INTS12: variants seen among roughly 807,000 people sequenced by gnomAD.
The protein encoded by INTS12 is integrator complex subunit 12.
Under a neutral mutation model 41.6 loss-of-function variants are expected in INTS12, and 13 were observed. The observed-to-expected ratio is 0.31, with a 90% CI of 0.20 to 0.50. The LOEUF is 0.50. Ranked by LOEUF, INTS12 falls within the 20% of genes least tolerant of loss-of-function variation. INTS12 has a pLI of 0.98. For missense variants in INTS12, 432 were observed against 541.6 expected (o/e 0.80, Z 2.01); for synonymous variants, 199 against 191.4 (o/e 1.04, Z -0.33).
In INTS12 at chr4:105,703,817, A is replaced by C. The variant is rs1038846990; in HGVS notation, c.-171-8T>G. 1 of 152,160 alleles carries C rather than the reference A, an allele frequency of 6.6e-6. No individual in the cohort carries two copies. Among genetic ancestry groups the C allele is most frequent in the East Asian group, 1.9e-4 (1 of 5,192 alleles). 9.4% of individuals were successfully genotyped at this position (152,160 alleles called of 1,614,324 possible). A position where few individuals can be genotyped will look rare whatever the true frequency, so the allele number is the denominator to read the frequency against. ...TTCAGTAGATGGCCTCACCTACTTC[A>C]CAAAGAGAGGCTGTCAGAGAGGAAT... is the stretch of plus-strand genomic sequence containing the variant. On this transcript the variant is annotated splice_polypyrimidine_tract_variant and splice_region_variant and intron_variant, in intron 1 of 7. Transcript: ENST00000340139.
Position 105,699,987 on chromosome 4 carries a change from A to C in INTS12, c.19T>G (p.Leu7Val). The change falls in exon 3 of 8, where the codon TTG becomes GTG. Residue 7 changes from leucine (L) to valine (V), a missense_variant. By Grantham distance (32) the Leu-to-Val change is conservative (BLOSUM62 1). This residue lies in a region of INTS12 where 168 missense variants were observed against 198.9 expected (regional missense o/e 0.84). Transcript: ENST00000340139. MAATVN[L>V]ELDPIFLKAL... The stretch of plus-strand genomic sequence containing the variant: ...TTCAAAAAAATGGGATCAAGTTCCA[A>C]GTTCACAGTAGCAGCCATTGCAAAC... 1 of 1,530,552 alleles carries C rather than the reference A, an allele frequency of 6.5e-7. No homozygotes were observed. The highest frequency in any genetic ancestry group is 1.4e-5 in the African/African-American group (1 of 73,610). 94.8% of individuals were successfully genotyped at this position (1,530,552 alleles called of 1,614,324 possible).
chr4:105,684,124 A>G (rs1284558715), intron 7 of INTS12, among the ~76,000 whole-genome samples: 1 of 152,162 alleles, frequency 6.6e-6, no homozygotes, highest in Non-Finnish European at 1.5e-5. Flanking sequence ...TCATAAGGGT[A>G]TAACACTTCA....
At chr4:105,684,893 A>G (rs1483528245) in intron 7 of INTS12, among the ~76,000 whole-genome samples, 2 of 152,132 alleles carry the variant, frequency 1.3e-5, no homozygotes, top group Admixed American at 6.5e-5. Flanking sequence ...AACACTTAGG[A>G]AGTACAAGCA....
chr4:105,687,311 G>GA (rs970587587), intron 6 of INTS12, among the ~76,000 whole-genome samples: 4 of 152,074 alleles, frequency 2.6e-5, no homozygotes, highest in African/African-American at 9.6e-5. Context: ...AGAACAGGGA[G>GA]AAAAAAACTA....
chr4:105,689,917 A>C (rs1218826618), intron 6 of INTS12, among the ~76,000 whole-genome samples: 1 of 152,174 alleles, frequency 6.6e-6, no homozygotes, highest in Non-Finnish European at 1.5e-5. Flanking sequence ...GAAAAAGAAA[A>C]AAATTACATT....
chr4:105,703,345 T>C (rs72671826), intron 2 of INTS12, among the ~76,000 whole-genome samples: 6,815 of 152,340 alleles, frequency 0.045, 210 homozygotes, highest in Middle Eastern at 0.13. Context: ...AGTAGTAGTA[T>C]TGATAGGAGT....
At chr4:105,683,629 G>C (rs11728044) in intron 7 of INTS12, among the ~76,000 whole-genome samples, 8,179 of 152,048 alleles carry the variant, frequency 0.054, 252 homozygotes, top group Middle Eastern at 0.14. Context: ...CTTTAACATA[G>C]TTTTTACCCA....
At chr4:105,699,684 G>A (rs761653811) in intron 3 of INTS12, among the ~76,000 whole-genome samples, 166 bp downstream of exon 3, 5 of 152,090 alleles carry the variant, frequency 3.3e-5, no homozygotes, top group Non-Finnish European at 7.4e-5. Context: ...TGGTGTAACA[G>A]TTCTCTGAAA....
At chr4:105,702,874 T>C in intron 2 of INTS12, 1 of 982,616 alleles carries the variant, frequency 1.0e-6, no homozygotes, top group Non-Finnish European at 1.2e-6. Context: ...ATATTTTAGT[T>C]TTCTATCTTA....
At chr4:105,686,599 TA>T in intron 7 of INTS12, 92 bp downstream of exon 7, 1 of 912,032 alleles carries the variant, frequency 1.1e-6, no homozygotes, top group Non-Finnish European at 1.6e-6. Flanking sequence ...ATTTAGTATA[TA>T]AAGTTTCTCA....
chr4:105,690,129 A>G (rs1366767044), intron 6 of INTS12, among the ~76,000 whole-genome samples: 3 of 152,244 alleles, frequency 2.0e-5, no homozygotes, highest in Non-Finnish European at 4.4e-5. Flanking sequence ...AGTTCTCCAC[A>G]TATTCAGGGA....
intron 1 of INTS12, chr4:105,705,754 T>G (rs1329063747): frequency 6.6e-6 from 1 of 152,238 alleles, no homozygotes; most frequent in Non-Finnish European, 1.5e-5. Flanking sequence ...CAAGTTTCAG[T>G]TTTTCCTGCA....
At chr4:105,702,134 T>TC (rs1388033801) in intron 2 of INTS12, among the ~76,000 whole-genome samples, 5 of 139,260 alleles carry the variant, frequency 3.6e-5, no homozygotes, top group African/African-American at 1.3e-4. Context: ...CTATTTCTTT[T>TC]TTTTTTTTTT....
intron 1 of INTS12, 25 bp downstream of exon 1, chr4:105,708,613 A>G: frequency 1.0e-6 from 1 of 984,760 alleles, no homozygotes; most frequent in Non-Finnish European, 1.2e-6. Context: ...GGAGGCCAGG[A>G]GCAGAGTCGC....
chr4:105,705,032 G>A (rs547688682), intron 1 of INTS12, among the ~76,000 whole-genome samples: 1 of 152,142 alleles, frequency 6.6e-6, no homozygotes, highest in South Asian at 2.1e-4. Flanking sequence ...ACAATCCAAA[G>A]GTTCAAGAAT....
chr4:105,700,706 A>AACACACACACAC (rs767514862), intron 2 of INTS12, among the ~76,000 whole-genome samples: 9,304 of 134,648 alleles, frequency 0.069, 471 homozygotes, highest in Middle Eastern at 0.13. Context: ...ATCTACTTAA[A>AACACACACACAC]ACACACACAC....
At chr4:105,695,069 C>T (rs1280079253) in intron 4 of INTS12, among the ~76,000 whole-genome samples, 1 of 135,876 alleles carries the variant, frequency 7.4e-6, no homozygotes, top group Non-Finnish European at 1.6e-5. Context: ...GCTGGGACTA[C>T]AGGTGCATGC....
intron 2 of INTS12, among the ~76,000 whole-genome samples, chr4:105,702,136 T>C (rs1016445111): frequency 1.4e-4 from 19 of 140,358 alleles, no homozygotes; most frequent in East Asian, 8.0e-4. Context: ...ATTTCTTTTT[T>C]TTTTTTTTTT....
chr4:105,688,257 C>T (rs568438699), intron 6 of INTS12, among the ~76,000 whole-genome samples: 1 of 152,282 alleles, frequency 6.6e-6, no homozygotes, highest in East Asian at 1.9e-4. Flanking sequence ...GCCAGCCATT[C>T]CATAGTCTTT....
Sources: allele counts gnomAD v4.1 joint callset (sites outside exome capture counted in the v4.1 genomes callset), GRCh38; gene constraint gnomAD v4.1.1; regional missense constraint gnomAD v4.1.1; transcripts MANE v1.5; gene names NCBI Gene and HGNC (gene_info 2026-07-23, HGNC 2026-07-21).